CARS1: variants seen among roughly 807,000 people sequenced by gnomAD.
The protein encoded by CARS1 is cysteine--tRNA ligase, cytoplasmic.
CARS1 carries 48 observed loss-of-function variants against 106.2 expected under a neutral mutation model. The observed-to-expected ratio is 0.45, with a 90% confidence interval of 0.36 to 0.57. The LOEUF (loss-of-function observed/expected upper bound fraction) is 0.57. CARS1 is among the 20% of genes least tolerant of loss of function. The pLI is 0.00. For missense variants in CARS1, 968 were observed against 1,057.2 expected (o/e 0.92, Z 1.17); for synonymous variants, 409 against 403.4 (o/e 1.01, Z -0.17).
intron 20 of CARS1, among the ~76,000 whole-genome samples, chr11:3,002,916 G>A (rs1277003945): frequency 6.6e-6 from 1 of 152,230 alleles, no homozygotes; most frequent in Non-Finnish European, 1.5e-5. Flanking sequence ...AAATGGACCA[G>A]CATGGTGAGC....
At chr11:3,005,098 A>T (rs1013292358) in intron 20 of CARS1, among the ~76,000 whole-genome samples, 3 of 111,218 alleles carry the variant, frequency 2.7e-5, no homozygotes, top group African/African-American at 1.1e-4. Context: ...ACAGAGTGAG[A>T]CTCCGTCTCA....
At position 3,004,326 on chromosome 11, in the gene CARS1, G is replaced by C. The variant is rs1205264396; in HGVS notation, c.2217+1040C>G. ...CCACCCACACTTGGATCTGGCATGA[G>C]CTCTCCCCTCGTGCCTTGGGCCAGT... On this transcript the variant is annotated intron_variant, in intron 20 of 22. Coordinates refer to ENST00000380525, the MANE Select transcript of CARS1 (RefSeq NM_001014437.3). This position sits in a 1 kb window ranked among gnomAD's most constrained non-coding sequence, Gnocchi z 5.2. Among the ~76,000 whole-genome samples, 2 of 152,220 alleles carry C rather than the reference G, an allele frequency of 1.3e-5. No individual in the cohort carries two copies. The highest frequency in any genetic ancestry group is 6.5e-5 in the Admixed American group (1 of 15,280).
rs559306635 is a variant in CARS1, at chr11:3,021,136, A to G, written c.1154-804T>C. On this transcript the variant is annotated intron_variant, in intron 10 of 22. Transcript: ENST00000380525. The surrounding 1 kb of genome is among the most constrained non-coding windows in gnomAD (Gnocchi z 5.3). ...TACAAGGCGGTCTGAGTCCCCAGAAAAGGAATGCACCATCACTGCAGATTT... is the reference window on the plus strand; with the variant it reads ...TACAAGGCGGTCTGAGTCCCCAGAAGAGGAATGCACCATCACTGCAGATTT... 2.2e-4 allele frequency among the ~76,000 whole-genome samples: 33 copies of G among 152,308 alleles called. No homozygotes were observed. The highest frequency in any genetic ancestry group is 7.9e-4 in the African/African-American group (33 of 41,566).
intron 14 of CARS1, 162 bp downstream of exon 14, chr11:3,018,246 G>T (rs1223559735): frequency 9.6e-6 from 6 of 621,922 alleles, no homozygotes; most frequent in Non-Finnish European, 1.4e-5. Flanking sequence ...TTCAGGAGTG[G>T]CCCCGAGCCT....
intron 1 of CARS1, among the ~76,000 whole-genome samples, chr11:3,049,661 C>T (rs1855459724): frequency 6.6e-6 from 1 of 152,260 alleles, no homozygotes; most frequent in Admixed American, 6.5e-5. Flanking sequence ...TAGGAATGCA[C>T]ATGTCTGGCC....
chr11:3,021,175 A>T lies in CARS1; in HGVS notation c.1154-843T>A, dbSNP rs917029223. 2.0e-5 allele frequency among the ~76,000 whole-genome samples: 3 copies of T among 152,228 alleles called. No individual in the cohort carries two copies. The highest frequency in any genetic ancestry group is 4.4e-5 in the Non-Finnish European group (3 of 68,030). ...CACTGCAGATTTCTCTCAACAATAC[A>T]TGCAGGACCAATGGAAAAGATTAGC... On this transcript the variant is annotated intron_variant, in intron 10 of 22. Coordinates refer to ENST00000380525, the MANE Select transcript of CARS1 (RefSeq NM_001014437.3). The surrounding 1 kb of genome is among the most constrained non-coding windows in gnomAD (Gnocchi z 5.3).
At position 3,034,782 on chromosome 11, in the gene CARS1, C is replaced by T. The variant is rs1410191854; in HGVS notation, c.801+3268G>A. ...ATCTCCTGACCTCGTGATCTGCCCA[C>T]CTCAGCCTCCCAAAGTGCTGGGATT... On this transcript the variant is annotated intron_variant, in intron 7 of 22. Transcript: ENST00000380525. This position sits in a 1 kb window ranked among gnomAD's most constrained non-coding sequence, Gnocchi z 6.3. 6.6e-6 allele frequency among the ~76,000 whole-genome samples: 1 copy of T among 152,178 alleles called. No individual in the cohort carries two copies. Among genetic ancestry groups the T allele is most frequent in the East Asian group, 1.9e-4 (1 of 5,192 alleles).
At chr11:3,006,751 G>T (rs1849906623) in intron 19 of CARS1, 128 bp downstream of exon 19, 1 of 809,058 alleles carries the variant, frequency 1.2e-6, no homozygotes, top group African/African-American at 1.7e-5. Context: ...GGACCCATGG[G>T]GCTGCCACTT....
In CARS1 at chr11:3,001,135, G is replaced by A; in HGVS notation, c.2475C>T (p.Ala825=). 2 of 1,613,970 alleles carry A rather than the reference G, an allele frequency of 1.2e-6. No homozygotes were observed. The highest frequency in any genetic ancestry group is 1.7e-6 in the Non-Finnish European group (2 of 1,179,996). Residue 825 remains alanine, a synonymous_variant, in exon 23 of 23, where the codon GCC becomes GCT. Coordinates refer to ENST00000380525, the MANE Select transcript of CARS1 (RefSeq NM_001014437.3). The part of the protein sequence containing the change: ...EKLYKEYLQM[A]QNGSFQ ...CCCCTCACTGGAAGCTTCCATTCTG[G>A]GCCATCTGCAGATATTCCTTGTAGA...
rs1336567743 is a variant in CARS1 at position 3,037,319 on chromosome 11, C to CA, written c.801+730dup. ...GAAACATGCTGGCGAAGGGCAGACA[C>CA]AGACTCCCTGCCCCATCACTGAGGT... is the stretch of plus-strand genomic sequence containing the variant. On this transcript the variant is annotated intron_variant, in intron 7 of 22. Coordinates refer to ENST00000380525, the MANE Select transcript of CARS1 (RefSeq NM_001014437.3). The surrounding 1 kb of genome is among the most constrained non-coding windows in gnomAD (Gnocchi z 5.9). 5.3e-5 allele frequency among the ~76,000 whole-genome samples: 8 copies of CA among 152,274 alleles called. No homozygotes were observed. Among genetic ancestry groups the CA allele is most frequent in the Non-Finnish European group, 1.2e-4 (8 of 68,048 alleles).
At chr11:3,055,569 G>A (rs1168110794) in intron 1 of CARS1, among the ~76,000 whole-genome samples, 4 of 152,260 alleles carry the variant, frequency 2.6e-5, no homozygotes, top group Non-Finnish European at 5.9e-5. Flanking sequence ...TGCGCAGGCT[G>A]AGGACTGGGC....
intron 17 of CARS1, among the ~76,000 whole-genome samples, chr11:3,015,096 G>C (rs547247461): frequency 2.3e-4 from 35 of 152,338 alleles, no homozygotes; most frequent in African/African-American, 8.4e-4. Flanking sequence ...CAGAAGGACA[G>C]GACTGACAGT....
At chr11:3,031,287 G>T (rs892282894) in intron 7 of CARS1, 1 of 152,004 alleles carries the variant, frequency 6.6e-6, no homozygotes, top group African/African-American at 2.4e-5. Context: ...TAATTTGAAG[G>T]GCAGCCGATG....
rs77879840 is a variant in CARS1, at chr11:3,022,626, C to T, written c.1154-2294G>A. Among the ~76,000 whole-genome samples, 1 of 152,190 alleles carries T rather than the reference C, an allele frequency of 6.6e-6. No homozygotes were observed. Among genetic ancestry groups the T allele is most frequent in the Admixed American group, 6.5e-5 (1 of 15,284 alleles). On this transcript the variant is annotated intron_variant, in intron 10 of 22. Coordinates refer to ENST00000380525, the MANE Select transcript of CARS1 (RefSeq NM_001014437.3). This position sits in a 1 kb window ranked among gnomAD's most constrained non-coding sequence, Gnocchi z 4.9. Reference sequence around the variant, plus strand: ...CATTTCCTGTCTCTCTCCCCAGAGGCAGAGTGAGTGTTTCTAGCTTTGACC... The same window carrying T: ...CATTTCCTGTCTCTCTCCCCAGAGGTAGAGTGAGTGTTTCTAGCTTTGACC...
chr11:3,023,897 C>CT (rs894755915), intron 10 of CARS1, among the ~76,000 whole-genome samples: 16 of 151,242 alleles, frequency 1.1e-4, no homozygotes, highest in African/African-American at 2.7e-4. Flanking sequence ...CACTTATTTC[C>CT]TTTTTTTTTG....
chr11:3,043,205 C>A lies in CARS1; in HGVS notation c.275-949G>T, dbSNP rs1318634282. ...CTTCCAGGCCTGGCTTCCAACCTGG[C>A]ACAAGGCTGTCCTTACACAACCTGC... On this transcript the variant is annotated intron_variant, in intron 2 of 22. Coordinates refer to ENST00000380525, the MANE Select transcript of CARS1 (RefSeq NM_001014437.3). This position sits in a 1 kb window ranked among gnomAD's most constrained non-coding sequence, Gnocchi z 4.0. 6.6e-6 allele frequency among the ~76,000 whole-genome samples: 1 copy of A among 152,028 alleles called. No individual in the cohort carries two copies. Among genetic ancestry groups the A allele is most frequent in the Non-Finnish European group, 1.5e-5 (1 of 67,976 alleles).
chr11:3,039,024 C>G lies in CARS1; in HGVS notation c.651+170G>C, dbSNP rs1252588216. On this transcript the variant is annotated intron_variant, in intron 6 of 22. Coordinates refer to ENST00000380525, the MANE Select transcript of CARS1 (RefSeq NM_001014437.3). The surrounding 1 kb of genome is among the most constrained non-coding windows in gnomAD (Gnocchi z 5.6). ...CTTTGCTGGTGACTTTGTCACAGGC[C>G]AGGGGACCTTACCTATGGAGACTTC... Among the ~76,000 whole-genome samples the G allele has an allele frequency of 6.6e-6, 1 of 152,212 alleles. No individual in the cohort carries two copies. Among genetic ancestry groups the G allele is most frequent in the Admixed American group, 6.5e-5 (1 of 15,276 alleles).
chr11:3,039,057 CT>C lies in CARS1; in HGVS notation c.651+136del. The C allele has an allele frequency of 1.7e-6, 1 of 594,002 alleles. No individual in the cohort carries two copies. The highest frequency in any genetic ancestry group is 1.9e-5 in the African/African-American group (1 of 52,986). The allele number at this position is 594,002 out of a possible 1,614,324, so 36.8% of individuals were successfully genotyped here. On this transcript the variant is annotated intron_variant, in intron 6 of 22. Coordinates refer to ENST00000380525, the MANE Select transcript of CARS1 (RefSeq NM_001014437.3). The surrounding 1 kb of genome is among the most constrained non-coding windows in gnomAD (Gnocchi z 5.6). The stretch of plus-strand genomic sequence containing the variant: ...CTTACCTATGGAGACTTCAGCGCCC[CT>C]GACGGAACTGGCTTGAGTAACATAC...
At chr11:3,012,705 G>A (rs1311963394) in intron 17 of CARS1, among the ~76,000 whole-genome samples, 6 of 152,274 alleles carry the variant, frequency 3.9e-5, no homozygotes, top group African/African-American at 1.4e-4. Context: ...GCTGAGGCTG[G>A]CGGCTCCCGG....
Sources: allele counts gnomAD v4.1 joint callset (sites outside exome capture counted in the v4.1 genomes callset), GRCh38; gene constraint gnomAD v4.1.1; non-coding constraint Gnocchi (gnomAD v3.1); transcripts MANE v1.5; gene names NCBI Gene and HGNC (gene_info 2026-07-23, HGNC 2026-07-21).